Variants in EZR observed in about 807,000 individuals in gnomAD.
The protein encoded by EZR is ezrin.
EZR carries 40 observed loss-of-function variants against 74.8 expected under a neutral mutation model. That is an observed-to-expected ratio of 0.53 (90% CI 0.42 to 0.70). EZR has a LOEUF of 0.70. EZR is among the 30% of genes least tolerant of loss of function. The pLI, the probability that EZR is intolerant of heterozygous loss-of-function variation, is 0.00. For missense variants in EZR, 678 were observed against 755.8 expected (o/e 0.90, Z 1.21); for synonymous variants, 341 against 283.3 (o/e 1.20, Z -2.05).
At chr6:158,784,612 G>T in intron 6 of EZR, 32 bp downstream of exon 6, 3 of 1,590,376 alleles carry the variant, frequency 1.9e-6, no homozygotes, top group Non-Finnish European at 2.6e-6. Context: ...CACGGAGATG[G>T]CAAGATCCCA....
intron 7 of EZR, among the ~76,000 whole-genome samples, chr6:158,782,717 A>G (rs1344103839): frequency 6.6e-6 from 1 of 152,224 alleles, no homozygotes; most frequent in Non-Finnish European, 1.5e-5. Flanking sequence ...CAGAGACGGT[A>G]GTCAGGAGGC....
intron 5 of EZR, 127 bp downstream of exon 5, chr6:158,785,182 T>C (rs1583568574): frequency 1.7e-6 from 2 of 1,177,680 alleles, no homozygotes; most frequent in African/African-American, 1.5e-5. Context: ...ACTTAATGAC[T>C]AGCATGAAGG....
At chr6:158,785,955 G>A (rs1791569811) in intron 4 of EZR, among the ~76,000 whole-genome samples, 1 of 152,172 alleles carries the variant, frequency 6.6e-6, no homozygotes, top group Non-Finnish European at 1.5e-5. Flanking sequence ...AAGAAGCTGA[G>A]CAGGAGGAAC....
intron 13 of EZR, 38 bp from the exon 14 acceptor site, chr6:158,767,116 C>T (rs1177234938): frequency 1.2e-6 from 2 of 1,611,026 alleles, no homozygotes; most frequent in Non-Finnish European, 1.7e-6. Flanking sequence ...TCCCTTCCTC[C>T]CCATATGGCC....
At position 158,807,749 on chromosome 6, in the gene EZR, TC is replaced by T. The variant is rs537833991; in HGVS notation, c.12+10332del. Among the ~76,000 whole-genome samples the T allele has an allele frequency of 6.6e-5, 10 of 152,280 alleles. No individual in the cohort carries two copies. The South Asian group carries it at 2.1e-3, about 32-fold the overall frequency. ...TGACGATGTATTAGACATGTGTCTT[TC>T]CCCCTGCAATATAAGCTTCTTGAAA... On this transcript the variant is annotated intron_variant, in intron 2 of 13. Coordinates refer to ENST00000367075, the MANE Select transcript of EZR (RefSeq NM_001111077.2).
chr6:158,808,946 A>G (rs1352813467), intron 2 of EZR, among the ~76,000 whole-genome samples: 2 of 152,338 alleles, frequency 1.3e-5, no homozygotes, highest in South Asian at 2.1e-4. Flanking sequence ...TGCACAAAAC[A>G]GTGTGAAACT....
intron 7 of EZR, among the ~76,000 whole-genome samples, chr6:158,779,670 C>T (rs1158334430): frequency 6.6e-6 from 1 of 152,068 alleles, no homozygotes; most frequent in African/African-American, 2.4e-5. Context: ...CTCAAGTGAT[C>T]CTCCCACCTC....
At chr6:158,806,251 G>A (rs1214209015) in intron 2 of EZR, among the ~76,000 whole-genome samples, 1 of 152,086 alleles carries the variant, frequency 6.6e-6, no homozygotes, top group Non-Finnish European at 1.5e-5. Flanking sequence ...AGGGAATGGG[G>A]GACCTGCCCT....
intron 2 of EZR, among the ~76,000 whole-genome samples, chr6:158,807,209 G>A (rs1274147427): frequency 1.3e-5 from 2 of 152,046 alleles, no homozygotes; most frequent in Non-Finnish European, 2.9e-5. Context: ...CAGCTACTCG[G>A]GAGGCTGAGG....
chr6:158,784,790 C>T (rs1339400958), intron 5 of EZR, 63 bp from the exon 6 acceptor site: 1 of 1,327,782 alleles, frequency 7.5e-7, no homozygotes, highest in Admixed American at 1.7e-5. Context: ...GGAAGGAGGC[C>T]CACTTACCAC....
chr6:158,790,535 A>G (rs1267460456), intron 2 of EZR, among the ~76,000 whole-genome samples: 1 of 152,216 alleles, frequency 6.6e-6, no homozygotes, highest in Non-Finnish European at 1.5e-5. Flanking sequence ...TTAGCTGGGC[A>G]TAGTGGCGCA....
At chr6:158,818,763 C>T (rs1029691998) in intron 1 of EZR, among the ~76,000 whole-genome samples, 38 of 145,630 alleles carry the variant, frequency 2.6e-4, no homozygotes, top group Non-Finnish European at 1.6e-4. Flanking sequence ...GGAGGAACAC[C>T]TAGGAGGAAG....
Position 158,771,302 on chromosome 6 carries a change from C to T in EZR, c.901G>A (p.Glu301Lys). The T allele has an allele frequency of 6.2e-7, 1 of 1,614,182 alleles. No homozygotes were observed. ...YMRRRKPDTI[E>K]VQQMKAQARE... ...GCCTGGGCCTTCATCTGCTGCACCT[C>T]GATGGTGTCAGGCTTCCTGCGGCGC... Residue 301 changes from glutamate (E) to lysine (K), a missense_variant, in exon 9 of 14, where the codon GAG (glutamate) becomes AAG (lysine). By Grantham distance (56) the Glu-to-Lys change is moderately conservative. Transcript: ENST00000367075.
At chr6:158,768,178 G>A (rs995192557) in intron 12 of EZR, among the ~76,000 whole-genome samples, 1 of 152,010 alleles carries the variant, frequency 6.6e-6, no homozygotes, top group Admixed American at 6.6e-5. Context: ...TCGTGCTAGT[G>A]GGTGGGTTCT....
Position 158,785,583 on chromosome 6 carries a change from C to A in EZR, c.193G>T (p.Val65Leu). Residue 65 changes from valine (V) to leucine (L), a missense_variant and splice_region_variant, in exon 5 of 14, where the codon GTG becomes TTG. By Grantham distance (32) the Val-to-Leu change is conservative (BLOSUM62 1). This residue lies in a region of EZR where 217 missense variants were observed against 232.2 expected (regional missense o/e 0.93). Transcript: ENST00000367075. ...FPTWLKLDKK[V>L]SAQEVRKENP... is the part of the protein sequence containing the mutation. The stretch of plus-strand genomic sequence containing the variant: ...TCCTTCCTGACCTCCTGGGCAGACA[C>A]CTGCACGAAACAAGCCACACTCTCC... 6.2e-7 allele frequency: 1 copy of A among 1,613,390 alleles called. No individual in the cohort carries two copies. Among genetic ancestry groups the A allele is most frequent in the Non-Finnish European group, 8.5e-7 (1 of 1,179,388 alleles).
At chr6:158,804,762 TCTTA>T (rs1562505231) in intron 2 of EZR, among the ~76,000 whole-genome samples, 1 of 89,194 alleles carries the variant, frequency 1.1e-5, no homozygotes, top group Non-Finnish European at 2.2e-5. Flanking sequence ...TTTCTTTTTT[TCTTA>T]TTTTTTTTTA....
At chr6:158,788,215 A>G (rs1433741574) in intron 3 of EZR, 1 of 152,214 alleles carries the variant, frequency 6.6e-6, no homozygotes, top group Non-Finnish European at 1.5e-5. Flanking sequence ...ATTCCAAATT[A>G]ACTCCTGATC....
intron 1 of EZR, among the ~76,000 whole-genome samples, 168 bp downstream of exon 1, chr6:158,819,149 G>C (rs1024619807): frequency 5.3e-5 from 8 of 151,948 alleles, no homozygotes; most frequent in African/African-American, 1.9e-4. Flanking sequence ...GCGGGGCCGC[G>C]GGCCGGCTCA....
At chr6:158,799,353 C>T (rs11961064) in intron 2 of EZR, among the ~76,000 whole-genome samples, 14,942 of 152,240 alleles carry the variant, frequency 0.098, 1,244 homozygotes, top group African/African-American at 0.23. Flanking sequence ...ACCAACAGTG[C>T]CCGGGCGGCA....
Sources: gnomAD v4.1 joint callset for allele counts (sites outside exome capture counted in the v4.1 genomes callset) on GRCh38, gnomAD v4.1.1 for gene constraint, gnomAD v4.1.1 regional missense constraint, MANE v1.5 for transcripts, NCBI Gene and HGNC (gene_info 2026-07-23, HGNC 2026-07-21) for gene names.